UBE4B: variants seen among roughly 807,000 people sequenced by gnomAD.
The protein encoded by UBE4B is ubiquitin conjugation factor E4 B.
UBE4B carries 27 observed loss-of-function variants against 148.1 expected under a neutral mutation model. The ratio of observed to expected loss-of-function variants is 0.18; its 90% CI spans 0.13 to 0.25. The LOEUF is 0.25. UBE4B is among the 10% of genes least tolerant of loss of function. The pLI, the probability that UBE4B is intolerant of heterozygous loss-of-function variation, is 1.00. For synonymous variants in UBE4B, 596 were observed against 619.3 expected, an observed-to-expected ratio of 0.96 and a Z score of 0.56; for missense variants, 1,170 against 1,662.4, an observed-to-expected ratio of 0.70 and a Z score of 5.15.
At position 10,091,515 on chromosome 1, in the gene UBE4B, G is replaced by A. The variant is rs191654626; in HGVS notation, c.212-3946G>A. ...GCTGGAGTGCAGTGGTATGATTATA[G>A]CCCACTGCAGCTTCTAATTCCTGGG... On this transcript the variant is annotated intron_variant, in intron 2 of 27. Coordinates refer to ENST00000343090, the MANE Select transcript of UBE4B (RefSeq NM_001105562.3). Among the ~76,000 whole-genome samples the A allele has an allele frequency of 7.2e-4, 110 of 152,096 alleles. 1 individual carries two copies. The East Asian group carries it at 0.018, about 25-fold the overall frequency.
chr1:10,151,677 T>C (rs1256274348), intron 21 of UBE4B, 116 bp downstream of exon 21: 2 of 873,158 alleles, frequency 2.3e-6, no homozygotes, highest in African/African-American at 3.4e-5. Context: ...CCTGTGTGTA[T>C]AGCCTACTAA....
At chr1:10,163,251 T>C (rs1237299429) in intron 23 of UBE4B, 4 of 152,120 alleles carry the variant, frequency 2.6e-5, no homozygotes, top group Non-Finnish European at 5.9e-5. Flanking sequence ...ATTTTTTTTA[T>C]AGAGACAAAG....
intron 2 of UBE4B, among the ~76,000 whole-genome samples, chr1:10,086,192 C>T (rs926168053): frequency 7.9e-5 from 12 of 152,166 alleles, no homozygotes; most frequent in South Asian, 2.1e-4. Context: ...AGGATGGTCT[C>T]GATCTCCTGA....
chr1:10,096,848 G>C (rs184059384), intron 3 of UBE4B, among the ~76,000 whole-genome samples: 1 of 152,158 alleles, frequency 6.6e-6, no homozygotes, highest in African/African-American at 2.4e-5. Context: ...AGACCAACCT[G>C]TCCAACATCG....
chr1:10,053,742 G>A (rs1644101989), intron 1 of UBE4B, among the ~76,000 whole-genome samples: 1 of 152,116 alleles, frequency 6.6e-6, no homozygotes, highest in African/African-American at 2.4e-5. Flanking sequence ...GTGCAGGAGT[G>A]CAGTGGCGTG....
At chr1:10,173,204 C>G (rs1056329298) in intron 25 of UBE4B, among the ~76,000 whole-genome samples, 3 of 152,080 alleles carry the variant, frequency 2.0e-5, no homozygotes, top group Non-Finnish European at 2.9e-5. Context: ...GCTGGCCGAG[C>G]GCGGTGGCTC....
chr1:10,060,348 A>G (rs1182096423), intron 1 of UBE4B, among the ~76,000 whole-genome samples: 1 of 152,170 alleles, frequency 6.6e-6, no homozygotes, highest in Non-Finnish European at 1.5e-5. Context: ...GCATGTAACT[A>G]TACTGAATCC....
intron 1 of UBE4B, among the ~76,000 whole-genome samples, chr1:10,067,979 C>T (rs1211758480): frequency 1.3e-5 from 2 of 151,822 alleles, no homozygotes; most frequent in African/African-American, 4.8e-5. Flanking sequence ...CCGCCCACCT[C>T]AGCCTCCCAA....
chr1:10,151,710 C>T, intron 21 of UBE4B, 149 bp downstream of exon 21: 1 of 686,982 alleles, frequency 1.5e-6, no homozygotes, highest in South Asian at 1.9e-5. Context: ...AGAGGATGTA[C>T]TTTTGGTTCT....
At chr1:10,040,834 G>A (rs1643733940) in intron 1 of UBE4B, among the ~76,000 whole-genome samples, 1 of 151,724 alleles carries the variant, frequency 6.6e-6, no homozygotes, top group Non-Finnish European at 1.5e-5. Flanking sequence ...TGGCTTGGCG[G>A]GTCTCAAACT....
intron 20 of UBE4B, among the ~76,000 whole-genome samples, chr1:10,149,796 A>G (rs139095547): frequency 1.0e-3 from 159 of 152,286 alleles, no homozygotes; most frequent in Non-Finnish European, 1.7e-3. Context: ...TACAATTTCA[A>G]TCCCTTGGCA....
rs542346182 is a variant in UBE4B at position 10,050,770 on chromosome 1, T to A, written c.24+17076T>A. Among the ~76,000 whole-genome samples the A allele has an allele frequency of 1.7e-4, 26 of 151,956 alleles. No homozygotes were observed. The South Asian group carries it at 5.4e-3, about 32-fold the overall frequency. Reference sequence around the variant, plus strand: ...GTGGAGTTTCACTATGTTGCCATGTTGCCCAGGCTGGTTTCCAACTCCTGG... The same window carrying A: ...GTGGAGTTTCACTATGTTGCCATGTAGCCCAGGCTGGTTTCCAACTCCTGG... On this transcript the variant is annotated intron_variant, in intron 1 of 27. Transcript: ENST00000343090.
chr1:10,158,178 T>C (rs1308890281), intron 21 of UBE4B, among the ~76,000 whole-genome samples, 178 bp from the exon 22 acceptor site: 2 of 152,320 alleles, frequency 1.3e-5, no homozygotes, highest in Middle Eastern at 3.4e-3. Flanking sequence ...TGTGAAACTT[T>C]TGTCTTTAAA....
intron 7 of UBE4B, among the ~76,000 whole-genome samples, chr1:10,113,142 G>A (rs376001780): frequency 6.6e-6 from 1 of 152,166 alleles, no homozygotes. Flanking sequence ...GCCTCAGAAA[G>A]CTTCCAGTCA....
chr1:10,066,462 T>C (rs2101822483), intron 1 of UBE4B, among the ~76,000 whole-genome samples: 1 of 152,086 alleles, frequency 6.6e-6, no homozygotes, highest in Admixed American at 6.6e-5. Flanking sequence ...TGATGAATTT[T>C]AGATCACAGA....
chr1:10,178,268 C>A (rs1259742345), intron 25 of UBE4B, among the ~76,000 whole-genome samples: 1 of 151,876 alleles, frequency 6.6e-6, no homozygotes, highest in East Asian at 1.9e-4. Context: ...ACAGTGCCCC[C>A]CAAGGACTGA....
At chr1:10,090,396 T>C (rs773134330) in intron 2 of UBE4B, among the ~76,000 whole-genome samples, 9 of 151,492 alleles carry the variant, frequency 5.9e-5, no homozygotes, top group Middle Eastern at 3.4e-3. Context: ...TCTGGAATTA[T>C]AGGCGTGAGC....
intron 1 of UBE4B, chr1:10,054,339 A>G (rs911336100): frequency 1.8e-5 from 3 of 164,132 alleles, no homozygotes; most frequent in Non-Finnish European, 4.0e-5. Context: ...CACAATTAAA[A>G]TTTGCTTTAA....
chr1:10,046,010 C>T (rs1418264233), intron 1 of UBE4B, among the ~76,000 whole-genome samples: 1 of 152,228 alleles, frequency 6.6e-6, no homozygotes, highest in African/African-American at 2.4e-5. Flanking sequence ...GCTCTGCGCT[C>T]ATTAGGAGCC....
Sources: gnomAD v4.1 joint callset for allele counts (sites outside exome capture counted in the v4.1 genomes callset) on GRCh38, gnomAD v4.1.1 for gene constraint, MANE v1.5 for transcripts, NCBI Gene and HGNC (gene_info 2026-07-23, HGNC 2026-07-21) for gene names.